The following LBHD1 variants were observed in gnomAD, a reference collection of about 807,000 sequenced individuals.
The protein encoded by LBHD1 is LBH domain-containing protein 1.
LBHD1 carries 28 observed loss-of-function variants against 31.1 expected under a neutral mutation model. The ratio of observed to expected loss-of-function variants is 0.90; its 90% confidence interval spans 0.67 to 1.24. LBHD1 has a LOEUF of 1.24. LBHD1 is among the 50% of genes most tolerant of loss of function. LBHD1 has a pLI of 0.00. For synonymous variants in LBHD1, 105 were observed against 116.5 expected (o/e 0.90, Z 0.63); for missense variants, 350 against 323.0 (o/e 1.08, Z -0.64).
Position 62,671,978 on chromosome 11 carries a change from G to C in LBHD1, c.-425C>G. On this transcript the variant is annotated 5_prime_UTR_variant, in exon 1 of 7. Coordinates refer to ENST00000354588, the MANE Select transcript of LBHD1 (RefSeq NM_024099.5). ...GAGATGCCACTGCAGGACCCAAGGA[G>C]CAGGGAGGAGGCGGCCAGGACCCAG... 1 of 1,614,036 alleles carries C rather than the reference G, an allele frequency of 6.2e-7. No homozygotes were observed. The highest frequency in any genetic ancestry group is 1.3e-5 in the African/African-American group (1 of 75,074).
chr11:62,670,266 C>A (rs780448022), intron 1 of LBHD1: 10 of 524,674 alleles, frequency 1.9e-5, no homozygotes, highest in Non-Finnish European at 3.0e-5. Flanking sequence ...GAGACAAGGG[C>A]ACCTGGATTA....
intron 4 of LBHD1, 55 bp downstream of exon 4, chr11:62,667,468 T>A: frequency 6.4e-7 from 1 of 1,561,738 alleles, no homozygotes; most frequent in African/African-American, 1.4e-5. Flanking sequence ...AGGATGGGTA[T>A]AAGGAGCTTC....
In LBHD1 at chr11:62,671,742, G is replaced by A. The variant is rs956029170; in HGVS notation, c.-189C>T. 9 of 1,613,150 alleles carry A rather than the reference G, an allele frequency of 5.6e-6. No homozygotes were observed. Among genetic ancestry groups the A allele is most frequent in the Admixed American group, 1.7e-5 (1 of 59,992 alleles). ...TGGGCGCTCCGCTGGCTGTGCAGGC[G>A]GCCATGGATTCCTTGCGGAAAATGC... On this transcript the variant is annotated 5_prime_UTR_variant, in exon 1 of 7. Coordinates refer to ENST00000354588, the MANE Select transcript of LBHD1 (RefSeq NM_024099.5).
At chr11:62,666,440 CGGCTGCATGCCCAGCCTCGTTTG>C in intron 4 of LBHD1, 1 of 1,612,816 alleles carries the variant, frequency 6.2e-7, no homozygotes, top group Non-Finnish European at 8.5e-7. Flanking sequence ...TCTCTGGGAT[CGGCTGCATGCCCAGCCTCGTTTG>C]GGCACTGTCC....
At position 62,663,008 on chromosome 11, in the gene LBHD1, C is replaced by A; in HGVS notation, c.*121G>T. The A allele has an allele frequency of 6.9e-7, 1 of 1,459,414 alleles. No individual in the cohort carries two copies. Among genetic ancestry groups the A allele is most frequent in the South Asian group, 1.2e-5 (1 of 84,106 alleles). 90.4% of individuals were successfully genotyped at this position (1,459,414 alleles called of 1,614,324 possible). On this transcript the variant is annotated 3_prime_UTR_variant, in exon 7 of 7. Coordinates refer to ENST00000354588, the MANE Select transcript of LBHD1 (RefSeq NM_024099.5). ...AAGTCCTCTGAAACAACCACTGAGTCTGAAGGCTGGCTCCAGTTGAGAATC... is the reference window on the plus strand; with the variant it reads ...AAGTCCTCTGAAACAACCACTGAGTATGAAGGCTGGCTCCAGTTGAGAATC...
Position 62,670,118 on chromosome 11 carries a change from C to T in LBHD1, c.-10-77G>A, listed in dbSNP as rs533636856. The T allele has an allele frequency of 8.3e-6, 12 of 1,442,806 alleles. No homozygotes were observed. In the African/African-American group the frequency reaches 1.4e-4, roughly 17 times the overall value. The allele number at this position is 1,442,806 out of a possible 1,614,324, so 89.4% of individuals were successfully genotyped here. On this transcript the variant is annotated intron_variant, in intron 1 of 6. Coordinates refer to ENST00000354588, the MANE Select transcript of LBHD1 (RefSeq NM_024099.5). The stretch of plus-strand genomic sequence containing the variant: ...CCCCACAAACTGTTCCTTTAATCTT[C>T]TTTGGAGCCTGGCCCCTTAAGCACC...
intron 4 of LBHD1, chr11:62,665,699 C>T (rs1028064462): frequency 4.8e-6 from 7 of 1,459,684 alleles, no homozygotes; most frequent in East Asian, 2.5e-5. Context: ...CAATAAAGGC[C>T]GTTCCTACCA....
intron 1 of LBHD1, chr11:62,671,271 GTGTT>G (rs1262051097): frequency 3.8e-6 from 2 of 520,940 alleles, no homozygotes; most frequent in Non-Finnish European, 7.0e-6. Context: ...TTGACTTTGA[GTGTT>G]TGTTCCAGAG....
chr11:62,669,403 A>C, intron 3 of LBHD1: 1 of 985,160 alleles, frequency 1.0e-6, no homozygotes, highest in Non-Finnish European at 1.2e-6. Context: ...TCTCAAAAAA[A>C]AAAAAAAGAA....
chr11:62,664,937 A>C lies in LBHD1; in HGVS notation c.575T>G (p.Val192Gly), dbSNP rs760929972. 5 of 1,608,524 alleles carry C rather than the reference A, an allele frequency of 3.1e-6. No homozygotes were observed. In the Middle Eastern group the frequency reaches 4.9e-4, roughly 159 times the overall value. The change falls in exon 5 of 7, where the codon GTT (valine) becomes GGT (glycine). Residue 192 changes from valine to glycine, a missense_variant. Coordinates refer to ENST00000354588, the MANE Select transcript of LBHD1 (RefSeq NM_024099.5). ...EEEAVQTPAG[V>G]ESGAASEAPG... is the part of the protein sequence containing the mutation. ...TGCCTCAGACGCCGCTCCCGATTCA[A>C]CACCCGCCGGCGTTTGAACAGCTTC...
At chr11:62,666,469 T>C (rs772597672) in intron 4 of LBHD1, 11 of 1,613,854 alleles carry the variant, frequency 6.8e-6, no homozygotes, top group Non-Finnish European at 9.3e-6. Context: ...GTTTGGGCAC[T>C]GTCCCCACCT....
intron 4 of LBHD1, chr11:62,666,764 C>T (rs769505563): frequency 6.2e-7 from 1 of 1,614,204 alleles, no homozygotes; most frequent in East Asian, 2.2e-5. Context: ...CGCCGATGCT[C>T]AGAACCTGGG....
intron 4 of LBHD1, chr11:62,665,777 A>G (rs1316431802): frequency 7.8e-6 from 12 of 1,536,894 alleles, no homozygotes; most frequent in South Asian, 4.8e-5. Flanking sequence ...GCCTTTCGCT[A>G]CGCGGAATTT....
intron 5 of LBHD1, among the ~76,000 whole-genome samples, chr11:62,663,983 G>C (rs1944721632): frequency 7.0e-6 from 1 of 142,330 alleles, no homozygotes; most frequent in South Asian, 2.3e-4. Context: ...TGAGGCAAGA[G>C]AATAGCTTAA....
chr11:62,665,249 G>A (rs1180255896), intron 4 of LBHD1: 4 of 756,640 alleles, frequency 5.3e-6, no homozygotes, highest in East Asian at 2.7e-5. Flanking sequence ...GCCTTCCGCG[G>A]GCCAATCGCA....
Position 62,671,793 on chromosome 11 carries a change from A to G in LBHD1, c.-240T>C, listed in dbSNP as rs904212835. On this transcript the variant is annotated 5_prime_UTR_variant, in exon 1 of 7. Transcript: ENST00000354588. Reference sequence around the variant, plus strand: ...TGATCTCAGTCGCAATGCTGGGCGCAGGGGCTGGCGTGGGCTACGCGCTCC... The same window carrying G: ...TGATCTCAGTCGCAATGCTGGGCGCGGGGGCTGGCGTGGGCTACGCGCTCC... 9 of 1,613,874 alleles carry G rather than the reference A, an allele frequency of 5.6e-6. No individual in the cohort carries two copies. The African/African-American group carries it at 9.3e-5, about 17-fold the overall frequency.
Position 62,669,763 on chromosome 11 carries a change from TCCA to T in LBHD1, c.188_190del (p.Val63del), listed in dbSNP as rs751712875. The T allele has an allele frequency of 9.9e-6, 16 of 1,614,154 alleles. No individual in the cohort carries two copies. Among genetic ancestry groups the T allele is most frequent in the South Asian group, 5.5e-5 (5 of 91,082 alleles). On this transcript the variant is annotated inframe_deletion, in exon 3 of 7. Transcript: ENST00000354588. Reference sequence around the variant, plus strand: ...ACTCTCTTCATTCACCTCACTGGATTCCACCACAATAGACGGCAGATGGGACTT... The same window carrying T: ...ACTCTCTTCATTCACCTCACTGGATTCCACAATAGACGGCAGATGGGACTT...
intron 5 of LBHD1, among the ~76,000 whole-genome samples, chr11:62,664,465 G>A (rs1466463507): frequency 1.3e-5 from 2 of 151,596 alleles, no homozygotes; most frequent in Non-Finnish European, 2.9e-5. Context: ...CGTGTAGCTG[G>A]GACTACAGGT....
Position 62,671,679 on chromosome 11 carries a change from AC to A in LBHD1, c.-127del. On this transcript the variant is annotated 5_prime_UTR_variant, in exon 1 of 7. It introduces an in-frame stop codon into an upstream open reading frame of the 5' UTR. Transcript: ENST00000354588. ...CTAGCCTGCGCCAAGGGGTAGTGAGACCGCGCGGCAACAGCTTGCGGCTGCG... is the reference window on the plus strand; with the variant it reads ...CTAGCCTGCGCCAAGGGGTAGTGAGACGCGCGGCAACAGCTTGCGGCTGCG... The A allele has an allele frequency of 6.3e-7, 1 of 1,595,504 alleles. No homozygotes were observed. Among genetic ancestry groups the A allele is most frequent in the East Asian group, 2.2e-5 (1 of 44,662 alleles).
Sources: gnomAD v4.1 joint callset for allele counts (sites outside exome capture counted in the v4.1 genomes callset) on GRCh38, gnomAD v4.1.1 for gene constraint, MANE v1.5 for transcripts, NCBI Gene and HGNC (gene_info 2026-07-23, HGNC 2026-07-21) for gene names.